The following MAP7D2 variants were observed in gnomAD, a reference collection of about 807,000 sequenced individuals.
The protein encoded by MAP7D2 is MAP7 domain-containing protein 2.
MAP7D2 carries 33 observed loss-of-function variants against 63.5 expected under a neutral mutation model. The observed-to-expected ratio is 0.52, with a 90% CI of 0.39 to 0.70. The LOEUF is 0.70. Among genes scored for constraint, MAP7D2 ranks in the 30% least tolerant of loss-of-function variants. The pLI is 0.00. For synonymous variants in MAP7D2, 224 were observed against 223.7 expected, an observed-to-expected ratio of 1.00 and a Z score of -0.01; for missense variants, 626 against 604.0, an observed-to-expected ratio of 1.04 and a Z score of -0.38.
At chrX:20,028,597 T>A (rs2073947349) in intron 8 of MAP7D2, among the ~76,000 whole-genome samples, 2 of 111,613 alleles carry the variant, frequency 1.8e-5, no homozygotes, top group Non-Finnish European at 3.8e-5. Context: ...ATACAGCTGG[T>A]GGTCTTTTGC....
intron 5 of MAP7D2, 138 bp from the exon 6 acceptor site, chrX:20,051,084 G>A (rs2064936872): frequency 3.7e-6 from 2 of 541,336 alleles, no homozygotes; most frequent in South Asian, 3.7e-5. Context: ...TTGAACAAAG[G>A]ATGGATTTGG....
chrX:20,038,968 G>T (rs1388902736), intron 8 of MAP7D2, among the ~76,000 whole-genome samples: 1 of 111,995 alleles, frequency 8.9e-6, no homozygotes, highest in Admixed American at 9.5e-5. Context: ...GCCCAATCCT[G>T]GCAGGACTAC....
chrX:20,059,747 AAG>A (rs1166398271), intron 3 of MAP7D2, among the ~76,000 whole-genome samples: 3 of 109,341 alleles, frequency 2.7e-5, no homozygotes, highest in African/African-American at 1.0e-4. Flanking sequence ...GAAGGAAGGA[AAG>A]AGAGGAAGGA....
chrX:20,086,431 T>C (rs1331252259), intron 1 of MAP7D2, among the ~76,000 whole-genome samples: 1 of 112,381 alleles, frequency 8.9e-6, no homozygotes, highest in Admixed American at 9.5e-5. Context: ...AAGGAAAGGA[T>C]AATTCTAGTA....
At chrX:20,115,686 T>G (rs1020623611) in intron 1 of MAP7D2, among the ~76,000 whole-genome samples, 7 of 111,354 alleles carry the variant, frequency 6.3e-5, no homozygotes, top group African/African-American at 2.3e-4. Context: ...AAATACTACC[T>G]CGCCCCCTCA....
intron 1 of MAP7D2, among the ~76,000 whole-genome samples, chrX:20,068,208 C>A (rs747174923): frequency 1.3e-4 from 15 of 112,261 alleles, no homozygotes; most frequent in East Asian, 5.6e-4. Flanking sequence ...AATTTCATAT[C>A]AAAATTAAGT....
intron 8 of MAP7D2, among the ~76,000 whole-genome samples, chrX:20,041,951 A>G (rs1399390926): frequency 1.8e-5 from 2 of 111,289 alleles, no homozygotes; most frequent in South Asian, 3.8e-4. Flanking sequence ...GGATCACTTG[A>G]GCCCAGGAGT....
intron 1 of MAP7D2, among the ~76,000 whole-genome samples, chrX:20,094,144 T>G (rs116280227): frequency 0.041 from 4,510 of 110,028 alleles, 158 homozygotes; most frequent in African/African-American, 0.11. Flanking sequence ...ACAACTTGCT[T>G]TATGTTTGGA....
At chrX:20,077,143 G>A (rs1161989538) in intron 1 of MAP7D2, among the ~76,000 whole-genome samples, 1 of 111,946 alleles carries the variant, frequency 8.9e-6, no homozygotes, top group Non-Finnish European at 1.9e-5. Flanking sequence ...TCTACACACG[G>A]TTATCAGAAG....
intron 8 of MAP7D2, among the ~76,000 whole-genome samples, chrX:20,036,222 C>A (rs1055095008): frequency 2.7e-5 from 3 of 110,081 alleles, no homozygotes; most frequent in Non-Finnish European, 5.7e-5. Flanking sequence ...AATATGTACA[C>A]CAAACCCCTG....
chrX:20,058,036 G>A (rs2065108992), intron 3 of MAP7D2, among the ~76,000 whole-genome samples: 1 of 112,368 alleles, frequency 8.9e-6, no homozygotes, highest in Admixed American at 9.4e-5. Context: ...GCCTCTCCAG[G>A]GACCTGTAAG....
Position 20,013,639 on chromosome X carries a change from A to AC in MAP7D2, c.1750-15dup, listed in dbSNP as rs2073279480. 1.8e-6 allele frequency: 2 copies of AC among 1,129,130 alleles called. No homozygotes were observed. Among genetic ancestry groups the AC allele is most frequent in the East Asian group, 6.0e-5 (2 of 33,310 alleles). The allele number at this position is 1,129,130 out of a possible 1,213,427, so 93.1% of individuals were successfully genotyped here. On this transcript the variant is annotated splice_polypyrimidine_tract_variant and intron_variant, in intron 12 of 16. Transcript: ENST00000379643. The stretch of plus-strand genomic sequence containing the variant: ...TTCATCTATTCTCTAAAAACAAAAA[A>AC]CAAAAAACAAAATCAAGTAAGAGGA...
intron 1 of MAP7D2, among the ~76,000 whole-genome samples, chrX:20,113,918 G>C (rs921556354): frequency 9.0e-6 from 1 of 111,564 alleles, no homozygotes; most frequent in Non-Finnish European, 1.9e-5. Flanking sequence ...CAAATACCAG[G>C]CCTTATTAAT....
At chrX:20,100,819 C>T (rs887957419) in intron 1 of MAP7D2, among the ~76,000 whole-genome samples, 1 of 110,476 alleles carries the variant, frequency 9.1e-6, no homozygotes, top group Non-Finnish European at 1.9e-5. Flanking sequence ...GTCGGGAGTT[C>T]GAGACCAGCC....
intron 5 of MAP7D2, among the ~76,000 whole-genome samples, chrX:20,051,414 T>A (rs1035936269): frequency 3.6e-5 from 4 of 110,735 alleles, no homozygotes; most frequent in Non-Finnish European, 7.6e-5. Context: ...TAGCTGGGCA[T>A]GGTGACATGC....
At chrX:20,062,725 T>A (rs1051396399) in intron 3 of MAP7D2, among the ~76,000 whole-genome samples, 9 of 112,400 alleles carry the variant, frequency 8.0e-5, no homozygotes, top group African/African-American at 9.7e-5. Flanking sequence ...AATCCAAATA[T>A]GCTTTCTAAA....
At position 20,052,986 on chromosome X, in the gene MAP7D2, A is replaced by G. The variant is rs2064989090; in HGVS notation, c.487T>C (p.Cys163Arg). 8.4e-7 allele frequency: 1 copy of G among 1,188,365 alleles called. No homozygotes were observed. The highest frequency in any genetic ancestry group is 1.8e-5 in the African/African-American group (1 of 56,950). Residue 163 changes from cysteine (C) to arginine (R), a missense_variant and splice_region_variant, in exon 5 of 17, where the codon TGT (cysteine) becomes CGT (arginine). Physicochemically the swap from Cys to Arg is radical, Grantham distance 180. Coordinates refer to ENST00000379643, the MANE Select transcript of MAP7D2 (RefSeq NM_001168465.2). ...LAIGPGGHDA[C>R]DKLSTSTMSL... is the part of the protein sequence containing the mutation. ...ATAGTTGATGTTGAAAGTTTGTCAC[A>G]TGCTGCAGAGAAATGCATTAAAGAC...
rs764670314 is a variant in MAP7D2 at position 20,013,116 on chromosome X, A to G, written c.1823T>C (p.Val608Ala). The change falls in exon 14 of 17, where the codon GTG (valine) becomes GCG (alanine). Residue 608 changes from valine (V) to alanine (A), a missense_variant. Val to Ala is a moderately conservative substitution (Grantham distance 64). Coordinates refer to ENST00000379643, the MANE Select transcript of MAP7D2 (RefSeq NM_001168465.2). The stretch of plus-strand genomic sequence containing the variant: ...CACACACACAGCAGGCTGGACCCCC[A>G]CTTTGGGGTCTTCTTTCTGAAAACA... ...SPQVKKEDPK[V>A]GVQPAVCVEK... 18 of 1,208,482 alleles carry G rather than the reference A, an allele frequency of 1.5e-5. No homozygotes were observed. The highest frequency in any genetic ancestry group is 1.6e-5 in the Non-Finnish European group (14 of 893,334).
intron 1 of MAP7D2, 55 bp downstream of exon 1, chrX:20,116,694 GC>G (rs1322992146): frequency 1.0e-5 from 11 of 1,095,067 alleles, no homozygotes; most frequent in Admixed American, 6.1e-5. Flanking sequence ...CGCCGGGCCC[GC>G]CCCCCCACAG....
Sources: allele counts gnomAD v4.1 joint callset (sites outside exome capture counted in the v4.1 genomes callset), GRCh38; gene constraint gnomAD v4.1.1; transcripts MANE v1.5; gene names NCBI Gene and HGNC (gene_info 2026-07-23, HGNC 2026-07-21).